The following SNTG1 variants were observed in gnomAD, a reference collection of about 807,000 sequenced individuals.
SNTG1 encodes gamma-1-syntrophin.
Under a neutral mutation model 74.7 loss-of-function variants are expected in SNTG1, and 39 were observed. That is an observed-to-expected ratio of 0.52 (90% CI 0.40 to 0.68). SNTG1 has a LOEUF of 0.68. SNTG1 is among the 30% of genes least tolerant of loss of function. The pLI is 0.00. For synonymous variants in SNTG1, 254 were observed against 217.1 expected, an observed-to-expected ratio of 1.17 and a Z score of -1.49; for missense variants, 685 against 609.5, an observed-to-expected ratio of 1.12 and a Z score of -1.30.
rs145448306 is a variant in SNTG1 at position 50,056,759 on chromosome 8, C to A, written c.-102-115802C>A. 3.5e-3 allele frequency among the ~76,000 whole-genome samples: 537 copies of A among 152,290 alleles called. 4 individuals are homozygous for A. The highest frequency in any genetic ancestry group is 0.012 in the African/African-American group (518 of 41,574). The stretch of plus-strand genomic sequence containing the variant: ...GTTAGCTGTAATTATCAAGTTTCAG[C>A]TTCCAACAATGTCAAGCAAGATAGA... On this transcript the variant is annotated intron_variant, in intron 1 of 18. Coordinates refer to ENST00000642720, the MANE Select transcript of SNTG1 (RefSeq NM_018967.5).
chr8:50,767,085 T>G, intron 18 of SNTG1, among the ~76,000 whole-genome samples: 1 of 151,880 alleles, frequency 6.6e-6, no homozygotes, highest in Non-Finnish European at 1.5e-5. Context: ...TAAGCAGTGG[T>G]GAAAATGGTT....
intron 1 of SNTG1, among the ~76,000 whole-genome samples, chr8:50,131,548 A>G (rs1260215001): frequency 6.6e-6 from 1 of 151,866 alleles, no homozygotes; most frequent in African/African-American, 2.4e-5. Flanking sequence ...ATATGTGTAC[A>G]CACACACACA....
chr8:50,071,973 C>T (rs765191707), intron 1 of SNTG1, among the ~76,000 whole-genome samples: 14 of 152,086 alleles, frequency 9.2e-5, no homozygotes, highest in Non-Finnish European at 1.9e-4. Context: ...TATTTTCTTG[C>T]TATTATATTG....
At chr8:50,171,984 G>A (rs1328460171) in intron 1 of SNTG1, among the ~76,000 whole-genome samples, 1 of 152,044 alleles carries the variant, frequency 6.6e-6, no homozygotes, top group Non-Finnish European at 1.5e-5. Context: ...TAACATAAAC[G>A]GGATCTTTAA....
chr8:50,336,350 C>T (rs979489332), intron 2 of SNTG1, among the ~76,000 whole-genome samples: 2 of 152,180 alleles, frequency 1.3e-5, no homozygotes, highest in Non-Finnish European at 2.9e-5. Context: ...CCCCATGTTT[C>T]TGTGCACTGC....
chr8:50,754,470 T>C (rs80236484), intron 18 of SNTG1, among the ~76,000 whole-genome samples: 1 of 151,920 alleles, frequency 6.6e-6, no homozygotes, highest in African/African-American at 2.4e-5. Flanking sequence ...ATCCTCTTTG[T>C]TATATGCCAT....
chr8:50,308,118 C>A (rs747400273), intron 2 of SNTG1, among the ~76,000 whole-genome samples: 3 of 151,458 alleles, frequency 2.0e-5, no homozygotes, highest in Non-Finnish European at 4.4e-5. Context: ...TTTGTTTTAT[C>A]GTTGTCCTGC....
At chr8:50,763,884 CACACACACACACA>C (rs1282023659) in intron 18 of SNTG1, among the ~76,000 whole-genome samples, 1 of 141,682 alleles carries the variant, frequency 7.1e-6, no homozygotes, top group East Asian at 2.1e-4. Flanking sequence ...CACACACACA[CACACACACACACA>C]CACACACACA....
chr8:50,589,734 A>T (rs1028077712), intron 12 of SNTG1, among the ~76,000 whole-genome samples: 3 of 152,206 alleles, frequency 2.0e-5, no homozygotes, highest in African/African-American at 7.2e-5. Context: ...CAAAGTACTC[A>T]GTATAGATTT....
chr8:50,335,692 C>T (rs925629372), intron 2 of SNTG1, among the ~76,000 whole-genome samples: 11 of 152,068 alleles, frequency 7.2e-5, no homozygotes, highest in African/African-American at 2.2e-4. Flanking sequence ...TAGACTGTGT[C>T]CACTTGGATA....
chr8:49,953,741 C>T (rs534414695), intron 1 of SNTG1, among the ~76,000 whole-genome samples: 1 of 152,254 alleles, frequency 6.6e-6, no homozygotes, highest in Admixed American at 6.5e-5. Context: ...ATTGTTATTG[C>T]TGATGTCGGG....
At chr8:50,575,048 C>T (rs966734075) in intron 12 of SNTG1, among the ~76,000 whole-genome samples, 1 of 152,074 alleles carries the variant, frequency 6.6e-6, no homozygotes, top group African/African-American at 2.4e-5. Flanking sequence ...ACATAGATGT[C>T]CTTTTCTGTT....
intron 1 of SNTG1, among the ~76,000 whole-genome samples, chr8:50,000,784 C>T (rs1006612513): frequency 1.3e-5 from 2 of 152,190 alleles, no homozygotes; most frequent in African/African-American, 4.8e-5. Flanking sequence ...TCCTTTTATT[C>T]TTGCTAGAGT....
intron 2 of SNTG1, among the ~76,000 whole-genome samples, chr8:50,295,083 G>A (rs1024082675): frequency 1.3e-5 from 2 of 152,204 alleles, no homozygotes; most frequent in East Asian, 3.8e-4. Flanking sequence ...TGTAGTCTGA[G>A]AAGGAAACAA....
intron 1 of SNTG1, among the ~76,000 whole-genome samples, chr8:50,045,132 G>A (rs927183683): frequency 6.6e-6 from 1 of 152,132 alleles, no homozygotes; most frequent in Non-Finnish European, 1.5e-5. Context: ...CAGAAAACGT[G>A]GGTTGACATC....
intron 2 of SNTG1, among the ~76,000 whole-genome samples, chr8:50,195,435 C>A (rs1432784823): frequency 6.6e-6 from 1 of 152,124 alleles, no homozygotes; most frequent in Non-Finnish European, 1.5e-5. Flanking sequence ...AGATTTCCAT[C>A]CTCCCTGGAT....
chr8:50,064,068 G>T (rs1586112491), intron 1 of SNTG1, among the ~76,000 whole-genome samples: 1 of 152,192 alleles, frequency 6.6e-6, no homozygotes, highest in South Asian at 2.1e-4. Flanking sequence ...TGACAATCGT[G>T]GTACCAGCTA....
intron 15 of SNTG1, among the ~76,000 whole-genome samples, chr8:50,693,536 CTTCAATATTGGACAGATCA>C (rs2095391632): frequency 6.6e-6 from 1 of 152,064 alleles, no homozygotes; most frequent in Non-Finnish European, 1.5e-5. Flanking sequence ...ATTATAGAGG[CTTCAATATTGGACAGATCA>C]CCCAGACAGA....
chr8:50,028,737 T>TA lies in SNTG1; in HGVS notation c.-103+116515dup, dbSNP rs767441714. Among the ~76,000 whole-genome samples, 528 of 151,194 alleles carry TA rather than the reference T, an allele frequency of 3.5e-3. 3 individuals carry two copies. Among genetic ancestry groups the TA allele is most frequent in the Middle Eastern group, 6.8e-3 (2 of 294 alleles). On this transcript the variant is annotated intron_variant, in intron 1 of 18. Coordinates refer to ENST00000642720, the MANE Select transcript of SNTG1 (RefSeq NM_018967.5). ...CACATGTACCCTAAAACTTAAAGTA[T>TA]AAAAAAAAAGAGATATAGTTTTTCT...
Sources: allele counts gnomAD v4.1 joint callset (sites outside exome capture counted in the v4.1 genomes callset), GRCh38; gene constraint gnomAD v4.1.1; transcripts MANE v1.5; gene names NCBI Gene and HGNC (gene_info 2026-07-23, HGNC 2026-07-21).